The following CCDC180 variants were observed in gnomAD, a reference collection of about 807,000 sequenced individuals.
CCDC180 encodes coiled-coil domain-containing protein 180.
Under a neutral mutation model 209.2 loss-of-function variants are expected in CCDC180, and 154 were observed. The ratio of observed to expected loss-of-function variants is 0.74; its 90% CI spans 0.65 to 0.84. The LOEUF (loss-of-function observed/expected upper bound fraction) is 0.84, where lower values mean the gene tolerates loss of function less well. Among genes scored for constraint, CCDC180 ranks in the 40% least tolerant of loss-of-function variants. The probability of loss-of-function intolerance (pLI) is 0.00; values close to 1 mark genes in which losing one functional copy is unlikely to be tolerated. For missense variants in CCDC180, 1,874 were observed against 1,997.3 expected (o/e 0.94, Z 1.18); for synonymous variants, 778 against 749.1 (o/e 1.04, Z -0.63).
rs757276965 is a variant in CCDC180, at chr9:97,308,116, A to G, written c.53A>G (p.Gln18Arg). ...TQVPNGKAYQ[Q>R]IFQAEVQLVH... is the part of the protein sequence containing the mutation. ...GTTCCGAATGGGAAAGCCTACCAGC[A>G]GATCTTCCAGGCTGAGGTAGGAGCC... The change falls in exon 2 of 37, where the codon CAG becomes CGG. Residue 18 changes from glutamine (Q) to arginine (R), a missense_variant. Gln to Arg is a conservative substitution (Grantham distance 43). Transcript: ENST00000529487. 6.2e-7 allele frequency: 1 copy of G among 1,607,022 alleles called. No homozygotes were observed. The highest frequency in any genetic ancestry group is 2.2e-5 in the East Asian group (1 of 44,732).
At chr9:97,336,063 A>G (rs934364053) in intron 18 of CCDC180, among the ~76,000 whole-genome samples, 1 of 152,190 alleles carries the variant, frequency 6.6e-6, no homozygotes, top group African/African-American at 2.4e-5. Flanking sequence ...AGTTATTTGT[A>G]GATTCTGGAT....
intron 20 of CCDC180, 105 bp downstream of exon 20, chr9:97,347,594 A>G (rs759756330): frequency 2.1e-5 from 22 of 1,071,532 alleles, no homozygotes; most frequent in South Asian, 9.6e-5. Flanking sequence ...GTACCATGCA[A>G]TGTTTAGCAT....
At chr9:97,327,203 G>C (rs954893671) in intron 15 of CCDC180, among the ~76,000 whole-genome samples, 1 of 152,020 alleles carries the variant, frequency 6.6e-6, no homozygotes, top group Admixed American at 6.5e-5. Context: ...GTACATTCTT[G>C]TTAAAGGGGG....
At chr9:97,341,173 C>T (rs1826065954) in intron 18 of CCDC180, among the ~76,000 whole-genome samples, 1 of 152,190 alleles carries the variant, frequency 6.6e-6, no homozygotes, top group Non-Finnish European at 1.5e-5. Context: ...ACACTCTTTA[C>T]CCTGCCCCTT....
At chr9:97,361,492 G>A (rs1305320837) in intron 26 of CCDC180, among the ~76,000 whole-genome samples, 4 of 152,206 alleles carry the variant, frequency 2.6e-5, no homozygotes, top group Non-Finnish European at 5.9e-5. Context: ...AGAGACTTGT[G>A]AAGAGCAGGC....
intron 18 of CCDC180, among the ~76,000 whole-genome samples, chr9:97,332,844 A>G (rs900197387): frequency 2.6e-5 from 4 of 152,098 alleles, no homozygotes; most frequent in Admixed American, 2.6e-4. Flanking sequence ...CTCTCTTCCT[A>G]TTTGGATGCC....
chr9:97,364,993 A>G (rs886253178), intron 29 of CCDC180, among the ~76,000 whole-genome samples: 2 of 152,164 alleles, frequency 1.3e-5, no homozygotes, highest in Admixed American at 6.5e-5. Context: ...TAAAATGTTG[A>G]TGAGTTTATT....
At chr9:97,353,850 ATGT>A (rs1015156769) in intron 22 of CCDC180, among the ~76,000 whole-genome samples, 2 of 152,000 alleles carry the variant, frequency 1.3e-5, no homozygotes, top group African/African-American at 4.8e-5. Flanking sequence ...TACAATGCAA[ATGT>A]TGTCCTCTGG....
In CCDC180 at chr9:97,365,807, C is replaced by A. The variant is rs1338481820; in HGVS notation, c.4047+68C>A. On this transcript the variant is annotated intron_variant, in intron 30 of 36. Coordinates refer to ENST00000529487, the MANE Select transcript of CCDC180 (RefSeq NM_020893.6). ...CGCCTGCCTTCTGCAGTCTGCTGAT[C>A]ATGGCCGCTTGGGGGAAAATGAGGA... The A allele has an allele frequency of 2.9e-6, 4 of 1,401,866 alleles. No homozygotes were observed. In the Admixed American group the frequency reaches 6.8e-5, roughly 24 times the overall value. The allele number at this position is 1,401,866 out of a possible 1,614,324, so 86.8% of individuals were successfully genotyped here. A position where few individuals can be genotyped will look rare whatever the true frequency, so the allele number is the denominator to read the frequency against.
At chr9:97,329,703 T>C (rs918138859) in intron 16 of CCDC180, among the ~76,000 whole-genome samples, 2 of 152,196 alleles carry the variant, frequency 1.3e-5, no homozygotes, top group African/African-American at 4.8e-5. Flanking sequence ...ACAACCCAAT[T>C]ACCCCAGGGA....
intron 8 of CCDC180, among the ~76,000 whole-genome samples, chr9:97,316,709 C>T (rs529469536): frequency 6.6e-6 from 1 of 152,322 alleles, no homozygotes; most frequent in South Asian, 2.1e-4. Context: ...GAGCACTCTG[C>T]TTTTGGAAGA....
At chr9:97,345,682 C>T (rs562714246) in intron 19 of CCDC180, 14 of 371,036 alleles carry the variant, frequency 3.8e-5, no homozygotes, top group African/African-American at 1.3e-4. Context: ...ACCCAGGAGG[C>T]GGAGGTTACA....
rs569895642 is a variant in CCDC180, at chr9:97,366,829, T to A, written c.4189+129T>A. ...GCAGAAGAGCTTCCCTGTGAAAAGCTGACCTCTTAAAATTAGGTAAAAACA... is the reference window on the plus strand; with the variant it reads ...GCAGAAGAGCTTCCCTGTGAAAAGCAGACCTCTTAAAATTAGGTAAAAACA... On this transcript the variant is annotated intron_variant, in intron 31 of 36. Coordinates refer to ENST00000529487, the MANE Select transcript of CCDC180 (RefSeq NM_020893.6). The surrounding 1 kb of genome is among the most constrained non-coding windows in gnomAD (Gnocchi z 4.3). The A allele has an allele frequency of 1.5e-5, 14 of 949,354 alleles. No individual in the cohort carries two copies. In the African/African-American group the frequency reaches 2.2e-4, roughly 15 times the overall value. 58.8% of individuals were successfully genotyped at this position (949,354 alleles called of 1,614,324 possible).
chr9:97,360,588 C>T (rs908040570), intron 26 of CCDC180, among the ~76,000 whole-genome samples: 5 of 152,184 alleles, frequency 3.3e-5, no homozygotes, highest in Admixed American at 1.3e-4. Flanking sequence ...TCCCTACCCT[C>T]GGGGCAAAGT....
chr9:97,378,177 A>G lies in CCDC180; in HGVS notation c.*1283A>G, dbSNP rs937047456. ...CACTTCACTCTGGCCTGAGCAACAG[A>G]ATGAGACTCTGTCTCAAATAAACGA... On this transcript the variant is annotated 3_prime_UTR_variant, in exon 37 of 37. Transcript: ENST00000529487. The G allele has an allele frequency of 6.6e-6, 1 of 152,230 alleles. No homozygotes were observed. The highest frequency in any genetic ancestry group is 1.5e-5 in the Non-Finnish European group (1 of 68,044). The allele number at this position is 152,230 out of a possible 1,614,324, so 9.4% of individuals were successfully genotyped here.
In CCDC180 at chr9:97,314,934, T is replaced by C. The variant is rs1178838909; in HGVS notation, c.783T>C (p.Asn261=). The C allele has an allele frequency of 1.2e-6, 2 of 1,613,684 alleles. No individual in the cohort carries two copies. Among genetic ancestry groups the C allele is most frequent in the African/African-American group, 1.3e-5 (1 of 74,886 alleles). ...LMRPEVYRLI[N]EEAMVMNYAL... is the part of the protein sequence containing the mutation. ...GGCCCGAAGTGTACAGGCTGATAAA[T>C]GAAGAAGCCATGGTGAGTGGTTTTC... is the stretch of plus-strand genomic sequence containing the variant. The change falls in exon 8 of 37, where the codon AAT becomes AAC. Residue 261 remains asparagine (N), a synonymous_variant. Transcript: ENST00000529487.
At chr9:97,346,612 T>G (rs1216720902) in intron 19 of CCDC180, among the ~76,000 whole-genome samples, 2 of 152,162 alleles carry the variant, frequency 1.3e-5, no homozygotes, top group African/African-American at 2.4e-5. Context: ...AAAGAGAAAT[T>G]AAATACTCTT....
Position 97,366,473 on chromosome 9 carries a change from G to C in CCDC180, c.4048-86G>C. On this transcript the variant is annotated intron_variant, in intron 30 of 36. Coordinates refer to ENST00000529487, the MANE Select transcript of CCDC180 (RefSeq NM_020893.6). The surrounding 1 kb of genome is among the most constrained non-coding windows in gnomAD (Gnocchi z 4.3). ...CCACGAGCAAAGGCTAGGGAGTGTG[G>C]AGGTGAGGGCAGGCTGGTGGATCCC... is the stretch of plus-strand genomic sequence containing the variant. The C allele has an allele frequency of 2.0e-5, 28 of 1,366,672 alleles. 1 individual carries two copies. In the South Asian group the frequency reaches 3.4e-4, roughly 17 times the overall value. The allele number at this position is 1,366,672 out of a possible 1,614,324, so 84.7% of individuals were successfully genotyped here.
At chr9:97,311,890 C>A (rs1832996612) in intron 3 of CCDC180, among the ~76,000 whole-genome samples, 1 of 152,156 alleles carries the variant, frequency 6.6e-6, no homozygotes, top group South Asian at 2.1e-4. Flanking sequence ...AGGGACCCAA[C>A]CTCTCACCTA....
Sources: gnomAD v4.1 joint callset for allele counts (sites outside exome capture counted in the v4.1 genomes callset) on GRCh38, gnomAD v4.1.1 for gene constraint, Gnocchi (gnomAD v3.1) non-coding constraint, MANE v1.5 for transcripts, NCBI Gene and HGNC (gene_info 2026-07-23, HGNC 2026-07-21) for gene names.